Variants in CCDC148 observed in about 807,000 individuals in gnomAD.
The protein encoded by CCDC148 is coiled-coil domain-containing protein 148.
Under a neutral mutation model 85.7 loss-of-function variants are expected in CCDC148, and 89 were observed. That is an observed-to-expected ratio of 1.04 (90% CI 0.87 to 1.24). The LOEUF (loss-of-function observed/expected upper bound fraction) is 1.24. Among genes scored for constraint, CCDC148 ranks in the 50% most tolerant of loss-of-function variants. CCDC148 has a pLI of 0.00. For synonymous variants in CCDC148, 230 were observed against 213.9 expected (o/e 1.08, Z -0.66); for missense variants, 692 against 671.7 (o/e 1.03, Z -0.33).
intron 9 of CCDC148, among the ~76,000 whole-genome samples, chr2:158,255,235 C>A (rs1688964031): frequency 6.6e-6 from 1 of 151,312 alleles, no homozygotes; most frequent in African/African-American, 2.4e-5. Context: ...GGTCAGGGAC[C>A]CGTAGAATTT....
At chr2:158,329,729 C>T (rs1394254210) in intron 7 of CCDC148, among the ~76,000 whole-genome samples, 4 of 151,900 alleles carry the variant, frequency 2.6e-5, no homozygotes, top group African/African-American at 4.8e-5. Context: ...CCTTCACGTC[C>T]CTTGTAAGTT....
At chr2:158,425,059 G>C in intron 1 of CCDC148, 1 of 453,172 alleles carries the variant, frequency 2.2e-6, no homozygotes, top group East Asian at 6.7e-5. Context: ...AGGGGGTCGT[G>C]ACCAAGGTCA....
chr2:158,401,917 A>G (rs1409428484), intron 1 of CCDC148, among the ~76,000 whole-genome samples: 2 of 152,024 alleles, frequency 1.3e-5, no homozygotes, highest in Non-Finnish European at 2.9e-5. Flanking sequence ...AGAACCAAAG[A>G]ATAGACCAGA....
At chr2:158,309,096 G>T (rs1485183730) in intron 9 of CCDC148, among the ~76,000 whole-genome samples, 3 of 152,160 alleles carry the variant, frequency 2.0e-5, no homozygotes, top group Admixed American at 2.0e-4. Context: ...AGAGTCTTTA[G>T]ATCAGCATTA....
chr2:158,431,729 AG>A (rs1446923709), intron 1 of CCDC148, among the ~76,000 whole-genome samples: 7 of 152,310 alleles, frequency 4.6e-5, no homozygotes, highest in East Asian at 1.9e-4. Context: ...ACTTGAGGTC[AG>A]GGGTTTGAAA....
At chr2:158,190,632 T>C (rs996187404) in intron 11 of CCDC148, among the ~76,000 whole-genome samples, 1 of 151,994 alleles carries the variant, frequency 6.6e-6, no homozygotes, top group South Asian at 2.1e-4. Context: ...ATAGTTTAAC[T>C]CCACAATTAA....
At chr2:158,382,028 G>A (rs1684893407) in intron 1 of CCDC148, among the ~76,000 whole-genome samples, 1 of 152,066 alleles carries the variant, frequency 6.6e-6, no homozygotes, top group Non-Finnish European at 1.5e-5. Flanking sequence ...TTCTGAATGG[G>A]ATTAGTGTCC....
At chr2:158,332,070 G>T (rs1240285981) in intron 7 of CCDC148, among the ~76,000 whole-genome samples, 1 of 152,082 alleles carries the variant, frequency 6.6e-6, no homozygotes, top group Non-Finnish European at 1.5e-5. Flanking sequence ...TGGTTATTTT[G>T]CTCGTTAGTT....
intron 10 of CCDC148, among the ~76,000 whole-genome samples, chr2:158,223,405 C>T (rs982082657): frequency 6.6e-6 from 1 of 152,160 alleles, no homozygotes; most frequent in Non-Finnish European, 1.5e-5. Context: ...CAGGGCATTG[C>T]CAAACAAAAG....
intron 11 of CCDC148, among the ~76,000 whole-genome samples, chr2:158,194,529 T>C (rs1685573516): frequency 6.6e-6 from 1 of 152,144 alleles, no homozygotes; most frequent in Admixed American, 6.6e-5. Flanking sequence ...AGGATGCCTA[T>C]TTTTAAAATG....
At chr2:158,183,841 G>C (rs978732461) in intron 11 of CCDC148, among the ~76,000 whole-genome samples, 2 of 152,090 alleles carry the variant, frequency 1.3e-5, no homozygotes, top group African/African-American at 4.8e-5. Flanking sequence ...ACCTGTTTCT[G>C]CCTGTTGGGA....
rs140028385 is a variant in CCDC148 at position 158,375,677 on chromosome 2, C to T, written c.26-17107G>A. On this transcript the variant is annotated intron_variant, in intron 1 of 13. Coordinates refer to ENST00000283233, the MANE Select transcript of CCDC148 (RefSeq NM_138803.4). The stretch of plus-strand genomic sequence containing the variant: ...TGACACCTCTGAGACTGTAAATGAC[C>T]ATGTGATACACTTCCAACCAATGAG... Among the ~76,000 whole-genome samples the T allele has an allele frequency of 2.6e-5, 4 of 152,132 alleles. No homozygotes were observed. In the East Asian group the frequency reaches 7.7e-4, roughly 29 times the overall value.
chr2:158,343,145 A>G (rs1252556118), intron 3 of CCDC148, among the ~76,000 whole-genome samples: 1 of 152,138 alleles, frequency 6.6e-6, no homozygotes, highest in Non-Finnish European at 1.5e-5. Flanking sequence ...TCAGCCTCCC[A>G]CGTAGCTGGG....
intron 1 of CCDC148, among the ~76,000 whole-genome samples, chr2:158,373,672 CA>C (rs1684540842): frequency 6.6e-6 from 1 of 151,962 alleles, no homozygotes; most frequent in African/African-American, 2.4e-5. Flanking sequence ...AAACATCTAT[CA>C]TACACTAGAT....
At chr2:158,428,511 G>A (rs1687178370) in intron 1 of CCDC148, among the ~76,000 whole-genome samples, 1 of 151,878 alleles carries the variant, frequency 6.6e-6, no homozygotes, top group South Asian at 2.1e-4. Context: ...CCTTAGAGAT[G>A]TCAAAGCAGG....
intron 9 of CCDC148, among the ~76,000 whole-genome samples, chr2:158,284,361 T>G (rs1431908666): frequency 6.6e-6 from 1 of 152,202 alleles, no homozygotes; most frequent in Admixed American, 6.5e-5. Flanking sequence ...ATTCAGTATT[T>G]TTTATAATTA....
chr2:158,303,827 A>G (rs995061660), intron 9 of CCDC148, among the ~76,000 whole-genome samples: 1 of 152,142 alleles, frequency 6.6e-6, no homozygotes, highest in Non-Finnish European at 1.5e-5. Flanking sequence ...GCCTTGATTC[A>G]GTGGCTAGAT....
intron 7 of CCDC148, among the ~76,000 whole-genome samples, chr2:158,326,712 A>ACATGTGCACGTGCACAT (rs1692794013): frequency 6.6e-6 from 1 of 152,136 alleles, no homozygotes; most frequent in Admixed American, 6.6e-5. Context: ...TTTTTAGAAT[A>ACATGTGCACGTGCACAT]GAAACAATAC....
At chr2:158,409,964 G>C (rs1686189418) in intron 1 of CCDC148, among the ~76,000 whole-genome samples, 1 of 152,126 alleles carries the variant, frequency 6.6e-6, no homozygotes, top group Non-Finnish European at 1.5e-5. Flanking sequence ...GTCATTCTCT[G>C]TTGCCACCAC....
Sources: allele counts gnomAD v4.1 joint callset (sites outside exome capture counted in the v4.1 genomes callset), GRCh38; gene constraint gnomAD v4.1.1; transcripts MANE v1.5; gene names NCBI Gene and HGNC (gene_info 2026-07-23, HGNC 2026-07-21).